WDR48: variants seen among roughly 807,000 people sequenced by gnomAD.
WDR48 encodes the protein WD repeat-containing protein 48.
Under a neutral mutation model 94.0 loss-of-function variants are expected in WDR48, and 22 were observed. The observed-to-expected ratio is 0.23, with a 90% CI of 0.17 to 0.33. The LOEUF is 0.33. Ranked by LOEUF, WDR48 falls within the 10% of genes least tolerant of loss-of-function variation. WDR48 has a pLI of 1.00. For synonymous variants in WDR48, 278 were observed against 280.5 expected (o/e 0.99, Z 0.09); for missense variants, 541 against 813.8 (o/e 0.66, Z 4.08).
intron 15 of WDR48, among the ~76,000 whole-genome samples, chr3:39,088,788 G>A (rs1025248683): frequency 6.6e-6 from 1 of 152,122 alleles, no homozygotes. Context: ...CTAGTCTATA[G>A]GTGCCAGAAG....
At chr3:39,089,530 T>C (rs1205560820) in intron 16 of WDR48, 6 of 337,744 alleles carry the variant, frequency 1.8e-5, no homozygotes, top group African/African-American at 8.5e-5. Context: ...AAAAATAATA[T>C]ATGCTTATTC....
intron 2 of WDR48, among the ~76,000 whole-genome samples, chr3:39,065,508 T>C (rs1248059231): frequency 6.6e-6 from 1 of 151,476 alleles, no homozygotes; most frequent in Non-Finnish European, 1.5e-5. Context: ...GGGTTTTATG[T>C]CACACACAGT....
At chr3:39,091,594 T>G (rs2272217) in intron 16 of WDR48, 31 bp from the exon 17 acceptor site, 186,791 of 1,512,528 alleles carry the variant, frequency 0.12, 12,555 homozygotes, top group East Asian at 0.23. Flanking sequence ...TAATAGAAAC[T>G]GTTATACCTT....
In WDR48 at chr3:39,088,251, A is replaced by G. The variant is rs3736573; in HGVS notation, c.1580+18A>G. 6.2e-7 allele frequency: 1 copy of G among 1,611,826 alleles called. No individual in the cohort carries two copies. Among genetic ancestry groups the G allele is most frequent in the Non-Finnish European group, 8.5e-7 (1 of 1,178,452 alleles). ...CTGTTCAGGTATGGGTAAGAAAGAC[A>G]AGAGGTTCTGCCTGAGAAGGTATCC... is the stretch of plus-strand genomic sequence containing the variant. On this transcript the variant is annotated intron_variant, in intron 15 of 18. Coordinates refer to ENST00000302313, the MANE Select transcript of WDR48 (RefSeq NM_020839.4).
rs754175830 is a variant in WDR48 at position 39,094,777 on chromosome 3, G to A, written c.*34G>A. ...CTAATGCTCCTGGATATTCATTTAC[G>A]ACCTTCCTCTATGGCCCCAAGAGTA... On this transcript the variant is annotated 3_prime_UTR_variant, in exon 19 of 19. Transcript: ENST00000302313. 22 of 1,612,190 alleles carry A rather than the reference G, an allele frequency of 1.4e-5. No homozygotes were observed. The highest frequency in any genetic ancestry group is 4.0e-5 in the African/African-American group (3 of 74,820).
At chr3:39,080,511 G>T (rs1215702882) in intron 11 of WDR48, among the ~76,000 whole-genome samples, 3 of 152,192 alleles carry the variant, frequency 2.0e-5, no homozygotes, top group African/African-American at 7.2e-5. Flanking sequence ...CTCTCTCTTA[G>T]TGTTGTTGGT....
intron 18 of WDR48, chr3:39,094,293 A>G (rs1461593148): frequency 7.0e-7 from 1 of 1,426,062 alleles, no homozygotes; most frequent in Non-Finnish European, 9.1e-7. Flanking sequence ...TCTGACAAGA[A>G]AAAAGACACA....
intron 11 of WDR48, 41 bp from the exon 12 acceptor site, chr3:39,084,114 A>G: frequency 1.4e-6 from 2 of 1,467,768 alleles, no homozygotes; most frequent in Non-Finnish European, 1.9e-6. Context: ...AAGTGAATTC[A>G]CCACTTAATA....
At chr3:39,075,539 A>G (rs1332615660) in intron 8 of WDR48, among the ~76,000 whole-genome samples, 3 of 152,148 alleles carry the variant, frequency 2.0e-5, no homozygotes, top group African/African-American at 7.2e-5. Flanking sequence ...AGGATCTGCC[A>G]TGTGGGTCAA....
At chr3:39,070,113 A>G (rs928451794) in intron 7 of WDR48, among the ~76,000 whole-genome samples, 1 of 152,234 alleles carries the variant, frequency 6.6e-6, no homozygotes, top group African/African-American at 2.4e-5. Flanking sequence ...ACTTAGGGGC[A>G]CATTTTGTCA....
intron 7 of WDR48, among the ~76,000 whole-genome samples, chr3:39,073,363 C>T (rs947002899): frequency 5.9e-5 from 9 of 152,110 alleles, no homozygotes; most frequent in Non-Finnish European, 1.3e-4. Context: ...GGAGAGTTTC[C>T]TAGTATGTGT....
chr3:39,079,616 A>G, intron 10 of WDR48, 95 bp from the exon 11 acceptor site: 1 of 837,134 alleles, frequency 1.2e-6, no homozygotes, highest in Non-Finnish European at 1.8e-6. Context: ...AGTACAGTTT[A>G]TGTTCCTGTT....
intron 2 of WDR48, among the ~76,000 whole-genome samples, chr3:39,064,610 G>GA (rs1169812743): frequency 6.6e-6 from 1 of 152,154 alleles, no homozygotes; most frequent in Non-Finnish European, 1.5e-5. Context: ...TGGGCTCAGA[G>GA]AAACCCATGG....
At chr3:39,090,776 A>G (rs987982966) in intron 16 of WDR48, 2 of 152,204 alleles carry the variant, frequency 1.3e-5, no homozygotes, top group Admixed American at 1.3e-4. Context: ...TTCTAAAGCC[A>G]TATGAAAAGG....
At chr3:39,088,080 A>G (rs747652275) in intron 14 of WDR48, 48 bp from the exon 15 acceptor site, 35 of 1,573,990 alleles carry the variant, frequency 2.2e-5, no homozygotes, top group Non-Finnish European at 1.7e-6. Flanking sequence ...TAGAATCTGT[A>G]TTTTTAGCAC....
chr3:39,067,955 T>C (rs974347452), intron 5 of WDR48, among the ~76,000 whole-genome samples: 1 of 151,528 alleles, frequency 6.6e-6, no homozygotes, highest in South Asian at 2.1e-4. Context: ...ATGTAAGGCC[T>C]GCCTCAAAGA....
intron 8 of WDR48, among the ~76,000 whole-genome samples, chr3:39,075,779 C>T (rs1446635038): frequency 6.6e-6 from 1 of 151,908 alleles, no homozygotes; most frequent in Non-Finnish European, 1.5e-5. Context: ...CTGCAAGTTC[C>T]ACCTCCCAGG....
rs2033632928 is a variant in WDR48, at chr3:39,066,742, A to C, written c.352-4A>C. 1 of 1,613,872 alleles carries C rather than the reference A, an allele frequency of 6.2e-7. No homozygotes were observed. The highest frequency in any genetic ancestry group is 8.5e-7 in the Non-Finnish European group (1 of 1,179,934). ...TAGATCATAGTATGTCTGTTCTATTACAGGATTACGTAAAGGCCTTAGCAT... is the reference window on the plus strand; with the variant it reads ...TAGATCATAGTATGTCTGTTCTATTCCAGGATTACGTAAAGGCCTTAGCAT... On this transcript the variant is annotated splice_region_variant and splice_polypyrimidine_tract_variant and intron_variant, in intron 4 of 18. Transcript: ENST00000302313.
Position 39,094,848 on chromosome 3 carries a change from G to A in WDR48, c.*105G>A, listed in dbSNP as rs566662646. On this transcript the variant is annotated 3_prime_UTR_variant, in exon 19 of 19. Transcript: ENST00000302313. ...CCCCAACGGGAGCAAGACTTCTAAC[G>A]GCTGATTGGTATGGACCGAGATTAT... is the stretch of plus-strand genomic sequence containing the variant. 4.0e-5 allele frequency: 56 copies of A among 1,400,950 alleles called. No homozygotes were observed. Among genetic ancestry groups the A allele is most frequent in the Admixed American group, 8.3e-5 (4 of 48,130 alleles). The allele number at this position is 1,400,950 out of a possible 1,614,324, so 86.8% of individuals were successfully genotyped here.
Sources: allele counts gnomAD v4.1 joint callset (sites outside exome capture counted in the v4.1 genomes callset), GRCh38; gene constraint gnomAD v4.1.1; transcripts MANE v1.5; gene names NCBI Gene and HGNC (gene_info 2026-07-23, HGNC 2026-07-21).